IL1RAPL1: variants seen among roughly 807,000 people sequenced by gnomAD.
IL1RAPL1 encodes interleukin-1 receptor accessory protein-like 1.
In IL1RAPL1, 3 loss-of-function variants were observed where a neutral mutation model predicts 48.4. The ratio of observed to expected loss-of-function variants is 0.06; its 90% CI spans 0.03 to 0.16. IL1RAPL1 has a LOEUF of 0.16. Ranked by LOEUF, IL1RAPL1 falls within the 10% of genes least tolerant of loss-of-function variation. The pLI is 1.00. For missense variants in IL1RAPL1, 349 were observed against 530.6 expected, an observed-to-expected ratio of 0.66 and a Z score of 3.36; for synonymous variants, 185 against 187.7, an observed-to-expected ratio of 0.99 and a Z score of 0.12.
intron 2 of IL1RAPL1, among the ~76,000 whole-genome samples, chrX:28,923,357 T>C (rs1002066665): frequency 1.4e-4 from 16 of 110,691 alleles, no homozygotes; most frequent in Admixed American, 7.8e-4. Flanking sequence ...GTAGTTTTAG[T>C]GGAGACGGGG....
intron 1 of IL1RAPL1, among the ~76,000 whole-genome samples, chrX:28,750,801 G>C (rs1936034279): frequency 8.9e-6 from 1 of 111,890 alleles, no homozygotes; most frequent in South Asian, 3.6e-4. Context: ...ATATTGATTA[G>C]GACAAATCAG....
At chrX:29,130,842 T>A (rs1929005168) in intron 2 of IL1RAPL1, among the ~76,000 whole-genome samples, 1 of 112,479 alleles carries the variant, frequency 8.9e-6, no homozygotes, top group Admixed American at 9.4e-5. Context: ...TTTTAAAAAT[T>A]ACTTACCTGG....
intron 5 of IL1RAPL1, among the ~76,000 whole-genome samples, chrX:29,582,683 G>A: frequency 3.9e-5 from 2 of 51,124 alleles, no homozygotes; most frequent in Non-Finnish European, 7.1e-5. Context: ...TGAGAATGAT[G>A]GTTTCCAATT....
chrX:28,793,270 CT>C (rs1440202120), intron 2 of IL1RAPL1, among the ~76,000 whole-genome samples: 3 of 110,069 alleles, frequency 2.7e-5, no homozygotes, highest in Admixed American at 9.7e-5. Flanking sequence ...CAAACGCTTG[CT>C]TGGAGAATCT....
intron 6 of IL1RAPL1, among the ~76,000 whole-genome samples, chrX:29,750,807 C>T (rs368230009): frequency 3.1e-4 from 35 of 111,440 alleles, no homozygotes; most frequent in Middle Eastern, 4.6e-3. Flanking sequence ...ATTAGAGCCA[C>T]AGTCTAGCTG....
chrX:29,639,196 A>AC (rs2147084059), intron 5 of IL1RAPL1, among the ~76,000 whole-genome samples: 1 of 112,034 alleles, frequency 8.9e-6, no homozygotes, highest in East Asian at 2.8e-4. Flanking sequence ...AAAAAAAAAA[A>AC]AAAAACAGGT....
At chrX:29,915,357 C>T (rs895295603) in intron 6 of IL1RAPL1, among the ~76,000 whole-genome samples, 1 of 111,398 alleles carries the variant, frequency 9.0e-6, no homozygotes, top group Non-Finnish European at 1.9e-5. Context: ...AACATGCAGA[C>T]ATAAGCTAAA....
intron 2 of IL1RAPL1, among the ~76,000 whole-genome samples, chrX:28,921,181 T>G (rs979154978): frequency 1.8e-5 from 2 of 110,308 alleles, no homozygotes; most frequent in Non-Finnish European, 3.8e-5. Context: ...GTCTGTGGAG[T>G]TGGGACAAAT....
At chrX:29,608,689 G>A (rs1028612775) in intron 5 of IL1RAPL1, among the ~76,000 whole-genome samples, 2 of 99,738 alleles carry the variant, frequency 2.0e-5, no homozygotes, top group Non-Finnish European at 4.0e-5. Flanking sequence ...AGCCGGGCGT[G>A]GTGGCGGGCG....
Position 29,168,698 on chromosome X carries a change from T to C in IL1RAPL1, c.83-114240T>C, listed in dbSNP as rs946523652. On this transcript the variant is annotated intron_variant, in intron 2 of 10. Transcript: ENST00000378993. ...GTATATATATTCATATGTACAATTG[T>C]ATATATATATTCATATGTACAATTG... Among the ~76,000 whole-genome samples the C allele has an allele frequency of 1.3e-3, 99 of 76,851 alleles. 8 individuals carry two copies. Among genetic ancestry groups the C allele is most frequent in the African/African-American group, 3.9e-3 (94 of 23,866 alleles). The allele number at this position is 76,851 out of a possible 115,157, so 66.7% of individuals were successfully genotyped here.
chrX:29,154,649 A>T (rs1488055212), intron 2 of IL1RAPL1, among the ~76,000 whole-genome samples: 1 of 112,029 alleles, frequency 8.9e-6, no homozygotes, highest in Admixed American at 9.5e-5. Flanking sequence ...AATATAAAAA[A>T]TAAACATTAC....
intron 8 of IL1RAPL1, among the ~76,000 whole-genome samples, chrX:29,925,933 A>T: frequency 8.9e-6 from 1 of 112,141 alleles, no homozygotes; most frequent in Non-Finnish European, 1.9e-5. Context: ...CTATTTCCTT[A>T]GACTTAGAAT....
intron 2 of IL1RAPL1, among the ~76,000 whole-genome samples, chrX:29,128,335 TCTC>T (rs1360590519): frequency 3.6e-5 from 4 of 110,636 alleles, no homozygotes; most frequent in African/African-American, 1.3e-4. Flanking sequence ...CAGCCTCACT[TCTC>T]CTCAATTCAC....
chrX:28,730,731 T>C (rs1935744766), intron 1 of IL1RAPL1, among the ~76,000 whole-genome samples: 1 of 111,840 alleles, frequency 8.9e-6, no homozygotes, highest in African/African-American at 3.2e-5. Flanking sequence ...TCAGAAAGTT[T>C]TTCTTGCTGT....
intron 3 of IL1RAPL1, among the ~76,000 whole-genome samples, chrX:29,314,338 G>A (rs749926461): frequency 7.1e-5 from 8 of 112,224 alleles, no homozygotes; most frequent in Non-Finnish European, 1.1e-4. Flanking sequence ...GGTGGACCCA[G>A]TGAGTCCAGG....
At chrX:29,434,575 G>T (rs1020330642) in intron 5 of IL1RAPL1, among the ~76,000 whole-genome samples, 2 of 110,559 alleles carry the variant, frequency 1.8e-5, no homozygotes, top group Non-Finnish European at 3.8e-5. Context: ...ATTTGTTATT[G>T]ATACATCTTA....
In IL1RAPL1 at chrX:29,176,557, T is replaced by C. The variant is rs761625984; in HGVS notation, c.83-106381T>C. 4.5e-5 allele frequency among the ~76,000 whole-genome samples: 5 copies of C among 110,998 alleles called. No individual in the cohort carries two copies. The South Asian group carries it at 1.9e-3, about 42-fold the overall frequency. ...ACTATGGATGGTTACCTTTAGAAAA[T>C]TTACAAGGAAAAATCTTGAAATTTT... is the stretch of plus-strand genomic sequence containing the variant. On this transcript the variant is annotated intron_variant, in intron 2 of 10. Transcript: ENST00000378993.
chrX:28,873,519 C>CTTTTTTTTTTTT (rs1922266341), intron 2 of IL1RAPL1, among the ~76,000 whole-genome samples: 1 of 67,391 alleles, frequency 1.5e-5, no homozygotes, highest in African/African-American at 6.5e-5. Context: ...TGTTTTCTTT[C>CTTTTTTTTTTTT]TTTCTTTTTT....
chrX:29,886,508 A>G (rs892969612), intron 6 of IL1RAPL1, among the ~76,000 whole-genome samples: 6 of 112,301 alleles, frequency 5.3e-5, no homozygotes, highest in Admixed American at 9.5e-5. Context: ...TTGAATTATA[A>G]TCAAGTGAGG....
Sources: allele counts gnomAD v4.1 joint callset (sites outside exome capture counted in the v4.1 genomes callset), GRCh38; gene constraint gnomAD v4.1.1; transcripts MANE v1.5; gene names NCBI Gene and HGNC (gene_info 2026-07-23, HGNC 2026-07-21).